Variants in RNF19A observed in about 807,000 individuals in gnomAD.
RNF19A encodes ring finger protein 19A, RBR E3 ubiquitin protein ligase, also known as E3 ubiquitin-protein ligase RNF19A.
In RNF19A, 32 loss-of-function variants were observed where a neutral mutation model predicts 75.7. The observed-to-expected ratio is 0.42, with a 90% CI of 0.32 to 0.57. The LOEUF is 0.57. Among genes scored for constraint, RNF19A ranks in the 20% least tolerant of loss-of-function variants. RNF19A has a pLI of 0.10. For synonymous variants in RNF19A, 335 were observed against 345.2 expected (o/e 0.97, Z 0.33); for missense variants, 782 against 1,036.3 (o/e 0.75, Z 3.37).
intron 1 of RNF19A, among the ~76,000 whole-genome samples, chr8:100,318,929 T>C (rs1416057160): frequency 6.6e-6 from 1 of 152,230 alleles, no homozygotes; most frequent in Admixed American, 6.5e-5. Flanking sequence ...GAAGGAATTA[T>C]GGCCAGAAGC....
chr8:100,288,613 A>T (rs1482890965), intron 1 of RNF19A, among the ~76,000 whole-genome samples: 4 of 152,228 alleles, frequency 2.6e-5, no homozygotes, highest in Non-Finnish European at 5.9e-5. Context: ...ACAAAGGGCT[A>T]AGAATAGCTT....
At position 100,284,812 on chromosome 8, in the gene RNF19A, C is replaced by T. The variant is rs1820940492; in HGVS notation, c.674+2689G>A. ...TATAAAGAATAGTAAAATAATACTC[C>T]TGTATCTACCACTGAAGTTAAGAAA... On this transcript the variant is annotated intron_variant, in intron 2 of 9. Transcript: ENST00000341084. This position sits in a 1 kb window ranked among gnomAD's most constrained non-coding sequence, Gnocchi z 4.3. Among the ~76,000 whole-genome samples, 1 of 152,160 alleles carries T rather than the reference C, an allele frequency of 6.6e-6. No individual in the cohort carries two copies. Among genetic ancestry groups the T allele is most frequent in the Non-Finnish European group, 1.5e-5 (1 of 67,948 alleles).
chr8:100,294,360 A>C (rs1821448367), intron 1 of RNF19A, among the ~76,000 whole-genome samples: 1 of 152,144 alleles, frequency 6.6e-6, no homozygotes, highest in African/African-American at 2.4e-5. Context: ...TGGGAATCAA[A>C]CACCAAATTC....
intron 2 of RNF19A, among the ~76,000 whole-genome samples, chr8:100,282,728 A>G (rs1820838994): frequency 6.6e-6 from 1 of 152,228 alleles, no homozygotes; most frequent in South Asian, 2.1e-4. Flanking sequence ...CAGCATGTCA[A>G]AAGATAGTCA....
At chr8:100,296,984 A>T (rs1422928255) in intron 1 of RNF19A, among the ~76,000 whole-genome samples, 1 of 152,236 alleles carries the variant, frequency 6.6e-6, no homozygotes, top group Non-Finnish European at 1.5e-5. Context: ...TATTGAAAAC[A>T]AAAATCATAC....
At chr8:100,296,904 G>T (rs1004674822) in intron 1 of RNF19A, among the ~76,000 whole-genome samples, 1 of 152,168 alleles carries the variant, frequency 6.6e-6, no homozygotes, top group Non-Finnish European at 1.5e-5. Flanking sequence ...GCTAAACAAA[G>T]TCTCCGATTC....
In RNF19A at chr8:100,329,280, T is replaced by G. The variant is rs1822579780; in HGVS notation, c.-243+6828A>C. ...ACATACACGTACACAAACACACACA[T>G]TAGGACGTTCTATTCTTTTGGATCA... On this transcript the variant is annotated intron_variant, in intron 1 of 3. Transcript: ENST00000519527. The surrounding 1 kb of genome is among the most constrained non-coding windows in gnomAD (Gnocchi z 4.3). 6.6e-6 allele frequency among the ~76,000 whole-genome samples: 1 copy of G among 151,942 alleles called. No individual in the cohort carries two copies. The highest frequency in any genetic ancestry group is 1.5e-5 in the Non-Finnish European group (1 of 67,978).
Position 100,330,129 on chromosome 8 carries a change from A to G in RNF19A, c.-243+5979T>C, listed in dbSNP as rs1219680721. On this transcript the variant is annotated intron_variant, in intron 1 of 3. Transcript: ENST00000519527. The surrounding 1 kb of genome is among the most constrained non-coding windows in gnomAD (Gnocchi z 4.1). Reference sequence around the variant, plus strand: ...TTATTCTCTACCGACGTTTCCATCCAAACACCATCCCTTCCACTTCTTCCA... The same window carrying G: ...TTATTCTCTACCGACGTTTCCATCCGAACACCATCCCTTCCACTTCTTCCA... 6.6e-6 allele frequency among the ~76,000 whole-genome samples: 1 copy of G among 152,230 alleles called. No individual in the cohort carries two copies. Among genetic ancestry groups the G allele is most frequent in the Non-Finnish European group, 1.5e-5 (1 of 68,004 alleles).
At chr8:100,315,768 T>G (rs1197941306) in intron 1 of RNF19A, among the ~76,000 whole-genome samples, 1 of 152,216 alleles carries the variant, frequency 6.6e-6, no homozygotes, top group East Asian at 1.9e-4. Context: ...CTCAGCCTCC[T>G]GAGTAGCTGG....
chr8:100,309,536 G>C (rs1161451593), intron 1 of RNF19A: 3 of 985,124 alleles, frequency 3.0e-6, no homozygotes, highest in Non-Finnish European at 3.6e-6. Flanking sequence ...TAATATCGCC[G>C]GGCCGGCCGC....
intron 5 of RNF19A, among the ~76,000 whole-genome samples, chr8:100,265,676 T>C (rs1437068747): frequency 1.3e-5 from 2 of 152,196 alleles, no homozygotes; most frequent in Non-Finnish European, 2.9e-5. Flanking sequence ...AATCTATTAT[T>C]ACATGGTATA....
upstream of RNF19A, among the ~76,000 whole-genome samples, chr8:100,314,945 G>C: frequency 6.6e-6 from 1 of 152,172 alleles, no homozygotes; most frequent in African/African-American, 2.4e-5. The surrounding 1 kb of genome is among the most constrained non-coding windows in gnomAD (Gnocchi z 4.1). Flanking sequence ...GGTGCTGCGA[G>C]ACACCAATAT....
intron 2 of RNF19A, among the ~76,000 whole-genome samples, chr8:100,285,119 G>A (rs1488444405): frequency 2.0e-5 from 3 of 151,882 alleles, no homozygotes; most frequent in Non-Finnish European, 1.5e-5. Flanking sequence ...CAAATCTCCT[G>A]GTACACAAGT....
chr8:100,316,908 A>T, intron 1 of RNF19A, among the ~76,000 whole-genome samples: 1 of 152,200 alleles, frequency 6.6e-6, no homozygotes, highest in East Asian at 1.9e-4. Flanking sequence ...GCAGGTCCGG[A>T]GCCCTGCCCC....
At chr8:100,301,613 C>G (rs1190475731) in intron 1 of RNF19A, among the ~76,000 whole-genome samples, 1 of 152,222 alleles carries the variant, frequency 6.6e-6, no homozygotes, top group Non-Finnish European at 1.5e-5. Context: ...TTTCCATCTT[C>G]ACTGCTAGTC....
chr8:100,294,055 C>T (rs947018174), intron 1 of RNF19A, among the ~76,000 whole-genome samples: 3 of 152,186 alleles, frequency 2.0e-5, no homozygotes, highest in Non-Finnish European at 4.4e-5. Flanking sequence ...AGTCTGTCTG[C>T]TAATTCTGCT....
intron 1 of RNF19A, among the ~76,000 whole-genome samples, chr8:100,292,433 T>C (rs1164482581): frequency 2.1e-5 from 3 of 140,624 alleles, no homozygotes; most frequent in Non-Finnish European, 4.8e-5. Context: ...TGCTATCATA[T>C]GGGTGTGTGT....
intron 1 of RNF19A, among the ~76,000 whole-genome samples, chr8:100,319,784 C>T (rs1399622595): frequency 6.6e-6 from 1 of 151,548 alleles, no homozygotes; most frequent in Non-Finnish European, 1.5e-5. Context: ...ACTACCTCAG[C>T]CTCCCAAAGT....
upstream of RNF19A, chr8:100,313,349 TTCTTCTGAC>T (rs1458568375): frequency 2.0e-6 from 2 of 982,276 alleles, no homozygotes; most frequent in African/African-American, 1.7e-5. Flanking sequence ...CTAACGTCAA[TTCTTCTGAC>T]ATTTGAGCTG....
Sources: allele counts gnomAD v4.1 joint callset (sites outside exome capture counted in the v4.1 genomes callset), GRCh38; gene constraint gnomAD v4.1.1; non-coding constraint Gnocchi (gnomAD v3.1); transcripts MANE v1.5; gene names NCBI Gene and HGNC (gene_info 2026-07-23, HGNC 2026-07-21).